Variants in NUP160 observed in about 807,000 individuals in gnomAD.
NUP160 encodes nucleoporin 160, also known as nuclear pore complex protein Nup160.
In NUP160, 94 loss-of-function variants were observed where a neutral mutation model predicts 196.9. The observed-to-expected ratio is 0.48, with a 90% CI of 0.40 to 0.57. The LOEUF (loss-of-function observed/expected upper bound fraction) is 0.57, where lower values mean the gene tolerates loss of function less well. Ranked by LOEUF, NUP160 falls within the 20% of genes least tolerant of loss-of-function variation. The probability of loss-of-function intolerance (pLI) is 0.00; values close to 1 mark genes in which losing one functional copy is unlikely to be tolerated. For missense variants in NUP160, 1,638 were observed against 1,748.3 expected (o/e 0.94, Z 1.13); for synonymous variants, 605 against 619.7 (o/e 0.98, Z 0.35).
intron 7 of NUP160, among the ~76,000 whole-genome samples, chr11:47,830,520 G>A (rs1599341166): frequency 6.6e-6 from 1 of 152,148 alleles, no homozygotes; most frequent in Non-Finnish European, 1.5e-5. Context: ...TGGAATATAT[G>A]CAGCCACAAA....
At chr11:47,806,556 A>C in intron 19 of NUP160, 64 of 382,502 alleles carry the variant, frequency 1.7e-4, no homozygotes, top group East Asian at 2.7e-4. Flanking sequence ...CACTGATCTC[A>C]CAAGACTTAA....
intron 2 of NUP160, among the ~76,000 whole-genome samples, chr11:47,845,916 T>C (rs1240059394): frequency 6.6e-6 from 1 of 152,118 alleles, no homozygotes; most frequent in Non-Finnish European, 1.5e-5. Flanking sequence ...GGGCACTGCT[T>C]GAGTCTGGCA....
chr11:47,842,683 T>C (rs1852329019), intron 2 of NUP160, among the ~76,000 whole-genome samples: 1 of 152,098 alleles, frequency 6.6e-6, no homozygotes, highest in Admixed American at 6.6e-5. Flanking sequence ...ACTCTCACCA[T>C]AATTCTTAAT....
At chr11:47,794,490 T>TG (rs1282140416) in intron 27 of NUP160, among the ~76,000 whole-genome samples, 3 of 151,040 alleles carry the variant, frequency 2.0e-5, no homozygotes, top group African/African-American at 4.9e-5. Flanking sequence ...CAAAAACAGT[T>TG]GGGCACAGTG....
intron 19 of NUP160, 95 bp downstream of exon 19, chr11:47,806,975 A>C (rs1349380427): frequency 1.1e-6 from 1 of 874,658 alleles, no homozygotes; most frequent in Non-Finnish European, 1.9e-6. Context: ...GAGCCTAGCC[A>C]ACCTTTCTAT....
exon 25 of NUP160, chr11:47,798,172 T>C (rs1292715340): frequency 6.2e-7 from 1 of 1,609,586 alleles, no homozygotes; most frequent in Non-Finnish European, 8.5e-7. Context: ...AATTACCTGC[T>C]GGAATCAGGA....
rs185586027 is a variant in NUP160 at position 47,807,240 on chromosome 11, A to G, written c.2376-100T>C. The G allele has an allele frequency of 3.7e-5, 27 of 727,112 alleles. No homozygotes were observed. The East Asian group carries it at 7.1e-4, about 19-fold the overall frequency. 45.0% of individuals were successfully genotyped at this position (727,112 alleles called of 1,614,324 possible). On this transcript the variant is annotated intron_variant, in intron 18 of 35. Transcript: ENST00000378460. ...AGAACACTGTCAATTTAATTAATAA[A>G]TTGCACATAAAAGCTCCACTGAAAG...
chr11:47,828,570 A>G (rs1172752748), intron 7 of NUP160, among the ~76,000 whole-genome samples: 1 of 148,354 alleles, frequency 6.7e-6, no homozygotes, highest in Non-Finnish European at 1.5e-5. Context: ...ACTTCTTTGT[A>G]GAAACTGACA....
exon 1 of NUP160, chr11:47,848,350 C>A: frequency 3.8e-5 from 61 of 1,613,316 alleles, no homozygotes; most frequent in Non-Finnish European, 5.1e-5. Context: ...CCCAACGGAA[C>A]AAAGGCAGGG....
chr11:47,802,032 A>C, intron 22 of NUP160, 102 bp from the exon 23 acceptor site: 1 of 1,001,746 alleles, frequency 1.0e-6, no homozygotes, highest in Middle Eastern at 2.8e-4. Flanking sequence ...AAGAAACAAG[A>C]TTACTTAACA....
chr11:47,801,040 A>G (rs1375401775), intron 23 of NUP160, among the ~76,000 whole-genome samples: 1 of 152,178 alleles, frequency 6.6e-6, no homozygotes, highest in Non-Finnish European at 1.5e-5. Context: ...CTTGACTTGA[A>G]TGAGACAGTA....
chr11:47,810,092 A>C (rs2097680256), intron 17 of NUP160, among the ~76,000 whole-genome samples: 1 of 152,184 alleles, frequency 6.6e-6, no homozygotes, highest in African/African-American at 2.4e-5. Context: ...AAATGGAAGA[A>C]TCTACATAGA....
intron 27 of NUP160, 43 bp downstream of exon 27, chr11:47,797,732 AAACT>A: frequency 7.4e-7 from 1 of 1,342,738 alleles, no homozygotes; most frequent in Non-Finnish European, 1.1e-6. Flanking sequence ...AAACATGATT[AAACT>A]AATAAGGCTG....
At chr11:47,802,181 C>T (rs1243111360) in intron 22 of NUP160, among the ~76,000 whole-genome samples, 1 of 151,990 alleles carries the variant, frequency 6.6e-6, no homozygotes, top group Non-Finnish European at 1.5e-5. Context: ...GCCTGTAATC[C>T]CAGCACTTCG....
intron 23 of NUP160, among the ~76,000 whole-genome samples, 199 bp downstream of exon 23, chr11:47,801,612 A>G (rs1269098485): frequency 6.6e-6 from 1 of 152,182 alleles, no homozygotes; most frequent in Non-Finnish European, 1.5e-5. Flanking sequence ...GGCCTCCCAA[A>G]GTGCTGGGAT....
chr11:47,810,548 C>G (rs1189069648), intron 17 of NUP160, among the ~76,000 whole-genome samples: 1 of 139,452 alleles, frequency 7.2e-6, no homozygotes. Flanking sequence ...TTTATAATTT[C>G]TTTTTTTTTT....
At chr11:47,809,601 T>C (rs1377117826) in intron 17 of NUP160, among the ~76,000 whole-genome samples, 1 of 151,738 alleles carries the variant, frequency 6.6e-6, no homozygotes, top group Non-Finnish European at 1.5e-5. Context: ...ATATAAAAAT[T>C]AGCTGGTGTA....
At chr11:47,820,976 C>T (rs1189359386) in intron 9 of NUP160, among the ~76,000 whole-genome samples, 1 of 129,638 alleles carries the variant, frequency 7.7e-6, no homozygotes, top group African/African-American at 2.5e-5. Flanking sequence ...AGCCACTGTG[C>T]CCAGCCCTGT....
intron 33 of NUP160, among the ~76,000 whole-genome samples, chr11:47,783,962 G>A (rs1292866313): frequency 1.3e-5 from 2 of 151,254 alleles, no homozygotes; most frequent in African/African-American, 2.4e-5. Context: ...CCAAAGCGCT[G>A]GGTTTACAGG....
Sources: gnomAD v4.1 joint callset for allele counts (sites outside exome capture counted in the v4.1 genomes callset) on GRCh38, gnomAD v4.1.1 for gene constraint, MANE v1.5 for transcripts, NCBI Gene and HGNC (gene_info 2026-07-23, HGNC 2026-07-21) for gene names.